Variants in RARB observed in about 807,000 individuals in gnomAD.
The protein encoded by RARB is retinoic acid receptor beta, also known as HBV-activated protein.
Under a neutral mutation model 51.9 loss-of-function variants are expected in RARB, and 17 were observed. The ratio of observed to expected loss-of-function variants is 0.33; its 90% CI spans 0.22 to 0.49. The LOEUF (loss-of-function observed/expected upper bound fraction) is 0.49. Ranked by LOEUF, RARB falls within the 20% of genes least tolerant of loss-of-function variation. The pLI is 0.99. For missense variants in RARB, 369 were observed against 550.8 expected, an observed-to-expected ratio of 0.67 and a Z score of 3.30; for synonymous variants, 215 against 195.4, an observed-to-expected ratio of 1.10 and a Z score of -0.84.
chr3:25,490,151 T>C (rs1025829598), intron 2 of RARB, among the ~76,000 whole-genome samples: 5 of 152,196 alleles, frequency 3.3e-5, no homozygotes, highest in Non-Finnish European at 7.3e-5. Flanking sequence ...TCTCATAGAC[T>C]CTATGAGTTT....
chr3:25,497,629 T>C (rs1214834556), intron 2 of RARB, among the ~76,000 whole-genome samples: 2 of 152,158 alleles, frequency 1.3e-5, no homozygotes, highest in African/African-American at 4.8e-5. Flanking sequence ...TCCCAGATGG[T>C]TGTGACTTGC....
At chr3:25,356,632 T>G (rs113532687) in intron 5 of RARB, among the ~76,000 whole-genome samples, 21,833 of 152,042 alleles carry the variant, frequency 0.14, 1,646 homozygotes, top group South Asian at 0.23. Flanking sequence ...ATCATCTACA[T>G]TAGGTATTTC....
chr3:25,380,596 AAAAT>A (rs146945515), intron 5 of RARB, among the ~76,000 whole-genome samples: 20,979 of 152,178 alleles, frequency 0.14, 1,959 homozygotes, highest in Admixed American at 0.29. Context: ...CTCAAGAAAA[AAAAT>A]AAACAAGCAA....
At chr3:24,854,090 A>T (rs1477473750) in intron 1 of RARB, among the ~76,000 whole-genome samples, 1 of 152,158 alleles carries the variant, frequency 6.6e-6, no homozygotes, top group Non-Finnish European at 1.5e-5. Context: ...CATCGTAAAT[A>T]GAGAATGCAG....
intron 5 of RARB, among the ~76,000 whole-genome samples, chr3:25,262,417 A>T (rs1010293823): frequency 1.3e-5 from 2 of 152,168 alleles, no homozygotes; most frequent in African/African-American, 4.8e-5. Flanking sequence ...AAACAACACA[A>T]ATTTATTACA....
intron 3 of RARB, among the ~76,000 whole-genome samples, chr3:25,524,390 A>G (rs1219205370): frequency 1.3e-5 from 2 of 152,198 alleles, no homozygotes; most frequent in African/African-American, 4.8e-5. Flanking sequence ...AATAAGATGT[A>G]AAGGATAATT....
intron 2 of RARB, among the ~76,000 whole-genome samples, chr3:25,050,423 G>T (rs1351091046): frequency 6.6e-6 from 1 of 151,446 alleles, no homozygotes; most frequent in Non-Finnish European, 1.5e-5. Context: ...TTCTCAAAAG[G>T]CTCATGATTT....
intron 4 of RARB, among the ~76,000 whole-genome samples, chr3:25,577,701 G>GA (rs1196288802): frequency 3.3e-5 from 5 of 152,212 alleles, no homozygotes. Context: ...GTCTTGTTCT[G>GA]AAAGTCCTGC....
intron 5 of RARB, among the ~76,000 whole-genome samples, chr3:25,405,776 T>C (rs1437701581): frequency 6.6e-6 from 1 of 152,202 alleles, no homozygotes; most frequent in Non-Finnish European, 1.5e-5. Flanking sequence ...CACAGAAAGT[T>C]TTATTGGACA....
chr3:25,186,494 T>G (rs1700977247), intron 5 of RARB, among the ~76,000 whole-genome samples: 1 of 152,132 alleles, frequency 6.6e-6, no homozygotes, highest in South Asian at 2.1e-4. Context: ...TAAGAATGTT[T>G]ATGGTAGCAC....
At chr3:25,091,879 T>A (rs1699205601) in intron 3 of RARB, among the ~76,000 whole-genome samples, 2 of 152,180 alleles carry the variant, frequency 1.3e-5, no homozygotes, top group Admixed American at 1.3e-4. Flanking sequence ...ATCTCAAAAT[T>A]GATAAAAATG....
chr3:24,959,503 T>C (rs1307323976), intron 2 of RARB, among the ~76,000 whole-genome samples: 2 of 151,810 alleles, frequency 1.3e-5, no homozygotes, highest in Admixed American at 6.5e-5. Flanking sequence ...TTTATCGATA[T>C]AGCATGGAGT....
intron 2 of RARB, among the ~76,000 whole-genome samples, chr3:24,940,973 T>C (rs553037165): frequency 6.6e-6 from 1 of 152,306 alleles, no homozygotes; most frequent in African/African-American, 2.4e-5. Context: ...TAAAGAACTT[T>C]TAAGAACAGG....
chr3:25,075,552 T>A (rs150873790), intron 3 of RARB, among the ~76,000 whole-genome samples: 2,488 of 152,186 alleles, frequency 0.016, 47 homozygotes, highest in Middle Eastern at 0.031. Context: ...TAGCCATTGC[T>A]ACATTATAGC....
chr3:24,929,290 G>T (rs1695391558), intron 2 of RARB, among the ~76,000 whole-genome samples: 1 of 152,056 alleles, frequency 6.6e-6, no homozygotes, highest in Non-Finnish European at 1.5e-5. Context: ...TGATTTAGAA[G>T]TTAGAGTGCA....
chr3:24,913,019 C>T (rs1025130782), intron 2 of RARB, among the ~76,000 whole-genome samples: 19 of 83,040 alleles, frequency 2.3e-4, no homozygotes, highest in Admixed American at 1.5e-3. Context: ...CTCGCTCTGT[C>T]GCTCAGGCTG....
intron 3 of RARB, among the ~76,000 whole-genome samples, chr3:25,129,290 C>T (rs1699908314): frequency 1.3e-5 from 2 of 151,942 alleles, no homozygotes; most frequent in Non-Finnish European, 2.9e-5. Flanking sequence ...AATTTTCATA[C>T]AAAGGTAGAT....
exon 5 of RARB, chr3:25,174,330 C>T: frequency 7.8e-7 from 1 of 1,278,938 alleles, no homozygotes; most frequent in Non-Finnish European, 1.0e-6. Context: ...GCCTCCCTCA[C>T]TTTGGTTTAA....
At chr3:24,949,668 C>A (rs535880868) in intron 2 of RARB, among the ~76,000 whole-genome samples, 1 of 152,288 alleles carries the variant, frequency 6.6e-6, no homozygotes, top group East Asian at 1.9e-4. Flanking sequence ...CTTCTTGAAT[C>A]CTTCAATTCT....
Sources: gnomAD v4.1 joint callset for allele counts (sites outside exome capture counted in the v4.1 genomes callset) on GRCh38, gnomAD v4.1.1 for gene constraint, MANE v1.5 for transcripts, NCBI Gene and HGNC (gene_info 2026-07-23, HGNC 2026-07-21) for gene names.